The following GRIP1 variants were observed in gnomAD, a reference collection of about 807,000 sequenced individuals.
GRIP1 encodes the protein glutamate receptor-interacting protein 1.
Under a neutral mutation model 129.9 loss-of-function variants are expected in GRIP1, and 45 were observed. That is an observed-to-expected ratio of 0.35 (90% CI 0.27 to 0.44). The LOEUF (loss-of-function observed/expected upper bound fraction) is 0.44. Among genes scored for constraint, GRIP1 ranks in the 20% least tolerant of loss-of-function variants. The pLI, the probability that GRIP1 is intolerant of heterozygous loss-of-function variation, is 1.00. For missense variants in GRIP1, 1,196 were observed against 1,396.8 expected, an observed-to-expected ratio of 0.86 and a Z score of 2.29; for synonymous variants, 530 against 520.8, an observed-to-expected ratio of 1.02 and a Z score of -0.24.
Position 66,379,266 on chromosome 12 carries a change from G to A in GRIP1, c.2621+14C>T, listed in dbSNP as rs2055979534. The stretch of plus-strand genomic sequence containing the variant: ...AGTCATCTTGGATGAGGCAGCATTG[G>A]TTGAAAACCTTACCCACTGGCTGTG... On this transcript the variant is annotated intron_variant, in intron 20 of 24. Coordinates refer to ENST00000359742, the MANE Select transcript of GRIP1 (RefSeq NM_001366722.1). The A allele has an allele frequency of 6.2e-7, 1 of 1,612,724 alleles. No individual in the cohort carries two copies. Among genetic ancestry groups the A allele is most frequent in the Non-Finnish European group, 8.5e-7 (1 of 1,179,312 alleles).
intron 1 of GRIP1, among the ~76,000 whole-genome samples, chr12:66,843,864 A>G (rs944948287): frequency 2.0e-5 from 3 of 152,182 alleles, no homozygotes; most frequent in South Asian, 4.1e-4. Context: ...AAGAAAACTC[A>G]GAGAAAAAGT....
At position 66,392,578 on chromosome 12, in the gene GRIP1, G is replaced by T. The variant is rs1021012419; in HGVS notation, c.2270-76C>A. On this transcript the variant is annotated intron_variant, in intron 18 of 24. Coordinates refer to ENST00000359742, the MANE Select transcript of GRIP1 (RefSeq NM_001366722.1). ...TATACCAAGATACTCCGTGGCTAGA[G>T]ATTTGTTTCCCTAGAATTACACACA... is the stretch of plus-strand genomic sequence containing the variant. The T allele has an allele frequency of 3.2e-6, 5 of 1,575,848 alleles. No homozygotes were observed. In the African/African-American group the frequency reaches 5.4e-5, roughly 17 times the overall value.
chr12:66,628,580 T>C (rs954992479), intron 1 of GRIP1, among the ~76,000 whole-genome samples: 1 of 152,234 alleles, frequency 6.6e-6, no homozygotes, highest in African/African-American at 2.4e-5. Flanking sequence ...AATTTAGGCC[T>C]AGTTTTCCTT....
In GRIP1 at chr12:66,967,340, G is replaced by T. The variant is rs570596961; in HGVS notation, c.58+101710C>A. ...AGCTACTTCAAAATATATGCAACAT[G>T]TTATTGTTAACTCTAGTCACCATAC... is the stretch of plus-strand genomic sequence containing the variant. On this transcript the variant is annotated intron_variant, in intron 1 of 1. Coordinates refer to the GRIP1 transcript ENST00000643019. Among the ~76,000 whole-genome samples the T allele has an allele frequency of 4.6e-5, 7 of 152,130 alleles. No individual in the cohort carries two copies. In the South Asian group the frequency reaches 1.5e-3, roughly 32 times the overall value.
chr12:67,060,365 C>A (rs1330444174), intron 1 of GRIP1, among the ~76,000 whole-genome samples: 2 of 152,176 alleles, frequency 1.3e-5, no homozygotes, highest in Non-Finnish European at 1.5e-5. Flanking sequence ...AATATCAAAT[C>A]ATATGAAATC....
intron 1 of GRIP1, among the ~76,000 whole-genome samples, chr12:66,983,259 A>G (rs1160569829): frequency 6.6e-6 from 1 of 152,188 alleles, no homozygotes; most frequent in Non-Finnish European, 1.5e-5. Flanking sequence ...CTCCTTTTCC[A>G]GCTTTGGCTG....
intron 1 of GRIP1, among the ~76,000 whole-genome samples, chr12:66,935,322 A>C (rs1174685509): frequency 6.6e-6 from 1 of 152,148 alleles, no homozygotes; most frequent in Non-Finnish European, 1.5e-5. Context: ...AGAAGTCTCC[A>C]TTATTTCTGG....
chr12:66,995,783 A>T (rs559887215), intron 1 of GRIP1, among the ~76,000 whole-genome samples: 5 of 152,174 alleles, frequency 3.3e-5, no homozygotes, highest in Non-Finnish European at 7.4e-5. Flanking sequence ...CATGAGGTTA[A>T]ACACAGCTAC....
At chr12:67,021,418 T>C (rs1178798950) in intron 1 of GRIP1, among the ~76,000 whole-genome samples, 1 of 152,208 alleles carries the variant, frequency 6.6e-6, no homozygotes, top group African/African-American at 2.4e-5. Flanking sequence ...GCATAATTAT[T>C]TTCAGATTCA....
At chr12:66,943,938 G>A (rs1299894170) in intron 1 of GRIP1, among the ~76,000 whole-genome samples, 1 of 152,110 alleles carries the variant, frequency 6.6e-6, no homozygotes, top group Non-Finnish European at 1.5e-5. Context: ...AGATTCACTT[G>A]ACCCAGGTAA....
intron 2 of GRIP1, among the ~76,000 whole-genome samples, chr12:66,580,226 C>T (rs1342084281): frequency 6.7e-6 from 1 of 149,464 alleles, no homozygotes; most frequent in Admixed American, 6.7e-5. Flanking sequence ...TTGTCACCAC[C>T]AGGCCTGCCC....
chr12:66,617,329 T>C (rs1232654082), intron 1 of GRIP1, among the ~76,000 whole-genome samples: 1 of 148,738 alleles, frequency 6.7e-6, no homozygotes, highest in Non-Finnish European at 1.5e-5. Context: ...GTTACTGCAA[T>C]GGTGGTCTTA....
chr12:66,704,975 T>C (rs1382002308), intron 1 of GRIP1, among the ~76,000 whole-genome samples: 1 of 152,096 alleles, frequency 6.6e-6, no homozygotes, highest in Non-Finnish European at 1.5e-5. Context: ...CTTTCTCTTG[T>C]CTAGATGTCT....
At chr12:67,029,340 C>CT (rs1419087040) in intron 1 of GRIP1, among the ~76,000 whole-genome samples, 1 of 152,104 alleles carries the variant, frequency 6.6e-6, no homozygotes, top group Non-Finnish European at 1.5e-5. Context: ...TCTTGAACTC[C>CT]TGGGCTCAAG....
intron 1 of GRIP1, among the ~76,000 whole-genome samples, chr12:66,905,872 T>C (rs2040923058): frequency 6.6e-6 from 1 of 152,204 alleles, no homozygotes; most frequent in Non-Finnish European, 1.5e-5. Context: ...CGATTTCTAC[T>C]ACAATGTAAT....
chr12:66,882,422 C>T (rs1252277), intron 1 of GRIP1, among the ~76,000 whole-genome samples: 136,272 of 152,084 alleles, frequency 0.9, 62,983 homozygotes, highest in East Asian at 1. Context: ...AAGTGTGGAA[C>T]AGGAGAAAAA....
intron 2 of GRIP1, among the ~76,000 whole-genome samples, chr12:66,573,884 C>G (rs1349443604): frequency 1.3e-5 from 2 of 152,198 alleles, no homozygotes; most frequent in African/African-American, 4.8e-5. Context: ...TAGACGGTGA[C>G]TGCTGAGAGG....
At chr12:66,525,952 T>A (rs1403646620) in intron 5 of GRIP1, among the ~76,000 whole-genome samples, 1 of 151,856 alleles carries the variant, frequency 6.6e-6, no homozygotes, top group Non-Finnish European at 1.5e-5. Context: ...GAGAATAAAA[T>A]ACCTAGGAAT....
At chr12:67,053,830 T>A in intron 1 of GRIP1, among the ~76,000 whole-genome samples, 1 of 77,070 alleles carries the variant, frequency 1.3e-5, no homozygotes, top group African/African-American at 4.3e-5. Context: ...AGACAGAGAC[T>A]CCATCTCAAA....
Sources: allele counts gnomAD v4.1 joint callset (sites outside exome capture counted in the v4.1 genomes callset), GRCh38; gene constraint gnomAD v4.1.1; transcripts MANE v1.5; gene names NCBI Gene and HGNC (gene_info 2026-07-23, HGNC 2026-07-21).